DPF3: variants seen among roughly 807,000 people sequenced by gnomAD.
DPF3 encodes double PHD fingers 3.
DPF3 carries 18 observed loss-of-function variants against 56.8 expected under a neutral mutation model. The observed-to-expected ratio is 0.32, with a 90% CI of 0.22 to 0.47. The LOEUF (loss-of-function observed/expected upper bound fraction) is 0.47. DPF3 is among the 20% of genes least tolerant of loss of function. The pLI is 1.00. For missense variants in DPF3, 403 were observed against 488.8 expected, an observed-to-expected ratio of 0.82 and a Z score of 1.65; for synonymous variants, 188 against 180.2, an observed-to-expected ratio of 1.04 and a Z score of -0.35.
intron 2 of DPF3, among the ~76,000 whole-genome samples, chr14:72,761,658 T>C (rs186315445): frequency 4.6e-5 from 7 of 151,930 alleles, no homozygotes; most frequent in Admixed American, 2.0e-4. Context: ...ATAAACCTAC[T>C]ATGTACCATA....
At chr14:72,861,026 TAC>T (rs10570653) in intron 1 of DPF3, among the ~76,000 whole-genome samples, 5,941 of 147,804 alleles carry the variant, frequency 0.04, 134 homozygotes, top group Non-Finnish European at 0.056. Flanking sequence ...GTTCTCACTA[TAC>T]ACACACACAC....
intron 1 of DPF3, among the ~76,000 whole-genome samples, chr14:72,814,765 G>A (rs4489943): frequency 0.29 from 44,465 of 151,294 alleles, 6,708 homozygotes; most frequent in East Asian, 0.4. Context: ...AGCCGAGATC[G>A]CGCCACTGCA....
rs888634185 is a variant in DPF3 at position 72,762,820 on chromosome 14, T to G, written c.193+8913A>C. Among the ~76,000 whole-genome samples the G allele has an allele frequency of 1.3e-4, 20 of 152,070 alleles. 1 individual carries two copies. The East Asian group carries it at 3.3e-3, about 25-fold the overall frequency. ...GAAGTAAGTTTTCTTTATTTACTAT[T>G]CAGGTTATCTACTAGCAAACTAACA... On this transcript the variant is annotated intron_variant, in intron 2 of 10. Coordinates refer to ENST00000556509, the MANE Select transcript of DPF3 (RefSeq NM_001280542.3).
chr14:72,800,990 G>A (rs1048067000), intron 1 of DPF3, among the ~76,000 whole-genome samples: 1 of 152,216 alleles, frequency 6.6e-6, no homozygotes, highest in South Asian at 2.1e-4. Flanking sequence ...GGAATAACGG[G>A]AGATGACTCT....
intron 8 of DPF3, among the ~76,000 whole-genome samples, chr14:72,643,875 T>C (rs1885635102): frequency 6.6e-6 from 1 of 152,160 alleles, no homozygotes; most frequent in African/African-American, 2.4e-5. Flanking sequence ...GGATCCCCTT[T>C]TTGTCATCAC....
At chr14:72,759,479 G>A (rs915051667) in intron 2 of DPF3, among the ~76,000 whole-genome samples, 4 of 151,026 alleles carry the variant, frequency 2.6e-5, no homozygotes, top group Admixed American at 6.6e-5. Flanking sequence ...GAGCAGCCTG[G>A]GCAACATAGT....
intron 3 of DPF3, among the ~76,000 whole-genome samples, chr14:72,744,657 T>C (rs1401295995): frequency 6.6e-6 from 1 of 152,102 alleles, no homozygotes; most frequent in Non-Finnish European, 1.5e-5. Context: ...CCTGGTTTCC[T>C]GACACAGCTC....
intron 8 of DPF3, among the ~76,000 whole-genome samples, chr14:72,655,190 C>A (rs1211494793): frequency 6.6e-6 from 1 of 152,266 alleles, no homozygotes; most frequent in Non-Finnish European, 1.5e-5. Flanking sequence ...AAACACAGAG[C>A]AAAATTTTTC....
chr14:72,655,946 G>C (rs7154188), intron 8 of DPF3, among the ~76,000 whole-genome samples: 64,366 of 151,872 alleles, frequency 0.42, 14,214 homozygotes, highest in East Asian at 0.69. Flanking sequence ...AGTGAGTTCC[G>C]CATCAGCCTC....
At chr14:72,694,686 A>T (rs1277999143) in intron 6 of DPF3, among the ~76,000 whole-genome samples, 5 of 152,240 alleles carry the variant, frequency 3.3e-5, no homozygotes, top group African/African-American at 1.2e-4. Context: ...TGTAAGAACC[A>T]CCAAAACAAT....
chr14:72,644,579 T>G (rs1885659638), intron 8 of DPF3, among the ~76,000 whole-genome samples: 1 of 152,252 alleles, frequency 6.6e-6, no homozygotes, highest in Non-Finnish European at 1.5e-5. Context: ...GTCTTCAGGT[T>G]TAATAGAAAT....
intron 1 of DPF3, among the ~76,000 whole-genome samples, chr14:72,833,934 C>T (rs1257325331): frequency 6.6e-6 from 1 of 152,096 alleles, no homozygotes; most frequent in African/African-American, 2.4e-5. Flanking sequence ...GTAATCCCAG[C>T]ACTTTGGGAG....
At chr14:72,644,257 T>C (rs1355598857) in intron 8 of DPF3, among the ~76,000 whole-genome samples, 4 of 152,212 alleles carry the variant, frequency 2.6e-5, no homozygotes, top group African/African-American at 9.7e-5. Flanking sequence ...TACCTCTGCA[T>C]GCATTTGCTT....
chr14:72,609,931 G>A lies in DPF3; in HGVS notation c.*9366C>T, dbSNP rs776192578. 1.2e-4 allele frequency among the ~76,000 whole-genome samples: 19 copies of A among 152,220 alleles called. No homozygotes were observed. The highest frequency in any genetic ancestry group is 5.2e-4 in the Admixed American group (8 of 15,292). Reference sequence around the variant, plus strand: ...CCTCATCTGCAAGAGGCAATGCGGCGTTGGGTCCCAAGGATCAGTGGGGAG... The same window carrying A: ...CCTCATCTGCAAGAGGCAATGCGGCATTGGGTCCCAAGGATCAGTGGGGAG... On this transcript the variant is annotated 3_prime_UTR_variant, in exon 11 of 11. Coordinates refer to ENST00000556509, the MANE Select transcript of DPF3 (RefSeq NM_001280542.3).
intron 1 of DPF3, among the ~76,000 whole-genome samples, chr14:72,870,394 G>A (rs1189340943): frequency 1.3e-5 from 2 of 152,204 alleles, no homozygotes; most frequent in African/African-American, 2.4e-5. Context: ...AGCCATGAAT[G>A]GAATTGTGGG....
At chr14:72,744,469 T>C (rs1890248925) in intron 3 of DPF3, among the ~76,000 whole-genome samples, 1 of 151,516 alleles carries the variant, frequency 6.6e-6, no homozygotes, top group African/African-American at 2.4e-5. Context: ...AGACAGGTTC[T>C]TGCCATGTCA....
At chr14:72,672,163 G>A (rs1194294198) in intron 8 of DPF3, among the ~76,000 whole-genome samples, 1 of 152,136 alleles carries the variant, frequency 6.6e-6, no homozygotes, top group Non-Finnish European at 1.5e-5. Flanking sequence ...CTACAAAGGT[G>A]AGAAATAGGA....
At chr14:72,648,725 AC>A (rs1264464649) in intron 8 of DPF3, among the ~76,000 whole-genome samples, 1 of 151,676 alleles carries the variant, frequency 6.6e-6, no homozygotes, top group Non-Finnish European at 1.5e-5. Context: ...CAGGATCCCT[AC>A]CTCTCACCCT....
rs192597060 is a variant in DPF3, at chr14:72,782,713, G to A, written c.33-10820C>T. On this transcript the variant is annotated intron_variant, in intron 1 of 10. Coordinates refer to ENST00000556509, the MANE Select transcript of DPF3 (RefSeq NM_001280542.3). ...CCAGGTGTAATGGCGGACACCTGCA[G>A]TCCCAGCTACATGGGAGGCTGAGGC... 6.6e-5 allele frequency among the ~76,000 whole-genome samples: 10 copies of A among 152,230 alleles called. No individual in the cohort carries two copies. In the East Asian group the frequency reaches 1.7e-3, roughly 27 times the overall value.
Sources: allele counts gnomAD v4.1 joint callset (sites outside exome capture counted in the v4.1 genomes callset), GRCh38; gene constraint gnomAD v4.1.1; transcripts MANE v1.5; gene names NCBI Gene and HGNC (gene_info 2026-07-23, HGNC 2026-07-21).